DTWD2: variants seen among roughly 807,000 people sequenced by gnomAD.
DTWD2 encodes DTW motif tRNA-uridine aminocarboxypropyltransferase 2.
Under a neutral mutation model 31.8 loss-of-function variants are expected in DTWD2, and 39 were observed. The observed-to-expected ratio is 1.22, with a 90% CI of 0.95 to 1.60. The LOEUF is 1.60. DTWD2 is among the 40% of genes most tolerant of loss of function. DTWD2 has a pLI of 0.00. For missense variants in DTWD2, 515 were observed against 381.5 expected (o/e 1.35, Z -2.92); for synonymous variants, 180 against 142.8 (o/e 1.26, Z -1.86).
chr5:118,988,189 C>T, intron 1 of DTWD2, 105 bp downstream of exon 1: 1 of 1,405,170 alleles, frequency 7.1e-7, no homozygotes, highest in Non-Finnish European at 9.7e-7. Context: ...CTCCGCCGCC[C>T]TAATCGCAGA....
Position 118,912,481 on chromosome 5 carries a change from G to A in DTWD2, c.597+16056C>T, listed in dbSNP as rs188822011. Among the ~76,000 whole-genome samples the A allele has an allele frequency of 3.5e-4, 54 of 152,290 alleles. 1 individual carries two copies. Among genetic ancestry groups the A allele is most frequent in the Non-Finnish European group, 5.3e-4 (36 of 68,030 alleles). ...TCTTGACCCATTCTGTTCCTCTCTCGCTAAGCTCCAACCACCCCGGTCTTC... is the reference window on the plus strand; with the variant it reads ...TCTTGACCCATTCTGTTCCTCTCTCACTAAGCTCCAACCACCCCGGTCTTC... On this transcript the variant is annotated intron_variant, in intron 4 of 5. Coordinates refer to ENST00000510708, the MANE Select transcript of DTWD2 (RefSeq NM_173666.4).
chr5:118,913,419 AG>A (rs1202391963), intron 4 of DTWD2, among the ~76,000 whole-genome samples: 1 of 133,058 alleles, frequency 7.5e-6, no homozygotes, highest in Non-Finnish European at 1.6e-5. Context: ...AGATATATAT[AG>A]ATATATATAT....
At chr5:118,874,994 C>T (rs552339237) in intron 4 of DTWD2, among the ~76,000 whole-genome samples, 57 of 152,122 alleles carry the variant, frequency 3.7e-4, no homozygotes, top group Non-Finnish European at 7.4e-4. Context: ...AAAGAGAAAC[C>T]CATCAGACAG....
At chr5:118,942,891 C>T (rs750793214) in intron 2 of DTWD2, among the ~76,000 whole-genome samples, 1 of 151,870 alleles carries the variant, frequency 6.6e-6, no homozygotes, top group African/African-American at 2.4e-5. Context: ...CAGCCTAAAA[C>T]TCCTGTACAG....
chr5:118,895,164 G>A (rs1753058144), intron 4 of DTWD2, among the ~76,000 whole-genome samples: 1 of 152,108 alleles, frequency 6.6e-6, no homozygotes, highest in African/African-American at 2.4e-5. Flanking sequence ...AAGTAAAGTT[G>A]CAAGATGGGT....
intron 4 of DTWD2, among the ~76,000 whole-genome samples, chr5:118,878,560 G>A (rs1394071587): frequency 1.3e-5 from 2 of 151,892 alleles, no homozygotes; most frequent in Non-Finnish European, 1.5e-5. Flanking sequence ...TAAAAACCCT[G>A]AAAGACAACC....
At position 118,951,024 on chromosome 5, in the gene DTWD2, C is replaced by T. The variant is rs145933454; in HGVS notation, c.219-6375G>A. Reference sequence around the variant, plus strand: ...CTAAGGGTTGTTGCCAAACAAGCCACGGACTGGGCTGGGTTTTCATATTTG... The same window carrying T: ...CTAAGGGTTGTTGCCAAACAAGCCATGGACTGGGCTGGGTTTTCATATTTG... On this transcript the variant is annotated intron_variant, in intron 1 of 5. Coordinates refer to ENST00000510708, the MANE Select transcript of DTWD2 (RefSeq NM_173666.4). Among the ~76,000 whole-genome samples the T allele has an allele frequency of 3.9e-5, 6 of 152,082 alleles. No homozygotes were observed. The East Asian group carries it at 7.7e-4, about 20-fold the overall frequency.
chr5:118,881,456 G>A (rs1206985770), intron 4 of DTWD2, among the ~76,000 whole-genome samples: 1 of 152,038 alleles, frequency 6.6e-6, no homozygotes, highest in African/African-American at 2.4e-5. Context: ...ATAGCTATCA[G>A]CATTATTTGA....
chr5:118,943,410 G>C (rs928256582), intron 2 of DTWD2, among the ~76,000 whole-genome samples: 1 of 152,112 alleles, frequency 6.6e-6, no homozygotes, highest in Non-Finnish European at 1.5e-5. Context: ...AGTTAGCCGG[G>C]CGTTGTGGTG....
At chr5:118,864,646 T>C (rs1004286631) in intron 4 of DTWD2, among the ~76,000 whole-genome samples, 3 of 150,342 alleles carry the variant, frequency 2.0e-5, no homozygotes, top group African/African-American at 7.3e-5. Flanking sequence ...ATTTTATTTT[T>C]TTTTTATTTT....
In DTWD2 at chr5:118,915,740, T is replaced by C. The variant is rs17144813; in HGVS notation, c.597+12797A>G. 3.7e-3 allele frequency among the ~76,000 whole-genome samples: 559 copies of C among 152,288 alleles called. 8 individuals carry two copies. The highest frequency in any genetic ancestry group is 0.029 in the East Asian group (150 of 5,172). ...TGTGTAGTGAGTGGAAGCCTACAATTTCAACTAATCACTAAGAATTCCATC... is the reference window on the plus strand; with the variant it reads ...TGTGTAGTGAGTGGAAGCCTACAATCTCAACTAATCACTAAGAATTCCATC... On this transcript the variant is annotated intron_variant, in intron 4 of 5. Coordinates refer to ENST00000510708, the MANE Select transcript of DTWD2 (RefSeq NM_173666.4).
chr5:118,974,184 C>T (rs1755071541), intron 1 of DTWD2: 1 of 1,417,136 alleles, frequency 7.1e-7, no homozygotes. Context: ...ATTCACCCTC[C>T]ACTTCCCGTC....
intron 4 of DTWD2, among the ~76,000 whole-genome samples, chr5:118,873,460 C>G (rs997666493): frequency 3.3e-5 from 5 of 152,206 alleles, no homozygotes; most frequent in Admixed American, 6.5e-5. Flanking sequence ...TGGTAGAGAG[C>G]TTCAGCAGGG....
intron 4 of DTWD2, among the ~76,000 whole-genome samples, chr5:118,889,843 G>A (rs1373467412): frequency 6.6e-6 from 1 of 152,086 alleles, no homozygotes; most frequent in Non-Finnish European, 1.5e-5. Flanking sequence ...TTTCATGAAA[G>A]AATGAAAATC....
At chr5:118,881,758 A>G (rs1752747317) in intron 4 of DTWD2, among the ~76,000 whole-genome samples, 1 of 152,150 alleles carries the variant, frequency 6.6e-6, no homozygotes, top group Non-Finnish European at 1.5e-5. Context: ...AAACCATCAG[A>G]TCTCGTAAGA....
chr5:118,883,690 G>T (rs1752793875), intron 4 of DTWD2, among the ~76,000 whole-genome samples: 1 of 152,092 alleles, frequency 6.6e-6, no homozygotes, highest in African/African-American at 2.4e-5. Flanking sequence ...ATAACCATCA[G>T]ATTTCATGAG....
At chr5:118,904,212 T>C (rs181545134) in intron 4 of DTWD2, among the ~76,000 whole-genome samples, 13 of 152,198 alleles carry the variant, frequency 8.5e-5, no homozygotes, top group East Asian at 5.8e-4. Flanking sequence ...AGATATAAAA[T>C]ATACACATGT....
chr5:118,903,411 A>G (rs1008298352), intron 4 of DTWD2, among the ~76,000 whole-genome samples: 4 of 152,094 alleles, frequency 2.6e-5, no homozygotes, highest in Non-Finnish European at 5.9e-5. Flanking sequence ...TTCTTCACAT[A>G]GTTCCACTTT....
intron 3 of DTWD2, among the ~76,000 whole-genome samples, chr5:118,932,098 A>T (rs1753936781): frequency 1.4e-4 from 22 of 152,190 alleles, no homozygotes; most frequent in Admixed American, 1.4e-3. Context: ...AGATATTCAT[A>T]GCATTAAAAT....
Sources: allele counts gnomAD v4.1 joint callset (sites outside exome capture counted in the v4.1 genomes callset), GRCh38; gene constraint gnomAD v4.1.1; transcripts MANE v1.5; gene names NCBI Gene and HGNC (gene_info 2026-07-23, HGNC 2026-07-21).